The following TMEM272 variants were observed in gnomAD, a reference collection of about 807,000 sequenced individuals.
TMEM272 encodes the protein transmembrane protein 272, also known as long intergenic non-protein coding RNA 282.
TMEM272 carries 8 observed loss-of-function variants against 3.7 expected under a neutral mutation model. That is an observed-to-expected ratio of 2.17 (90% CI 1.27 to 3.91). The LOEUF (loss-of-function observed/expected upper bound fraction) is 3.91. Ranked by LOEUF, TMEM272 falls within the 30% of genes most tolerant of loss-of-function variation. The pLI, the probability that TMEM272 is intolerant of heterozygous loss-of-function variation, is 0.00. For synonymous variants in TMEM272, 63 were observed against 39.8 expected (o/e 1.58, Z -2.20); for missense variants, 166 against 91.5 (o/e 1.81, Z -3.32).
At chr13:51,858,879 C>T in the TMEM272 span, among the ~76,000 whole-genome samples, 2 of 152,134 alleles carry the variant, frequency 1.3e-5, no homozygotes, top group African/African-American at 4.8e-5. Flanking sequence ...CTCGAGGTCC[C>T]GCCCCATCCA....
At chr13:51,870,659 G>A in the TMEM272 span, among the ~76,000 whole-genome samples, 8 of 152,298 alleles carry the variant, frequency 5.3e-5, no homozygotes, top group South Asian at 1.0e-3. Context: ...GAGTGGAAAC[G>A]GAATTAGCAA....
the TMEM272 span, among the ~76,000 whole-genome samples, chr13:51,900,029 G>A: frequency 5.3e-5 from 8 of 152,228 alleles, no homozygotes; most frequent in East Asian, 1.2e-3. Flanking sequence ...ACATGCAAGA[G>A]TTAAAACTAT....
the TMEM272 span, among the ~76,000 whole-genome samples, chr13:51,919,739 G>A: frequency 6.6e-6 from 1 of 152,194 alleles, no homozygotes; most frequent in Non-Finnish European, 1.5e-5. Flanking sequence ...GTGCCATGGT[G>A]ACCTGCCTTT....
At chr13:51,908,418 C>T in the TMEM272 span, 1 of 1,485,370 alleles carries the variant, frequency 6.7e-7, no homozygotes, top group Non-Finnish European at 9.4e-7. Flanking sequence ...TGGGACATCC[C>T]TTGGTGGAAA....
At chr13:51,876,683 G>T in the TMEM272 span, among the ~76,000 whole-genome samples, 1 of 152,166 alleles carries the variant, frequency 6.6e-6, no homozygotes, top group Admixed American at 6.5e-5. Flanking sequence ...AGAGGGTCTG[G>T]AAAATCAATT....
At chr13:51,864,739 GTCTT>G in the TMEM272 span, among the ~76,000 whole-genome samples, 1 of 152,178 alleles carries the variant, frequency 6.6e-6, no homozygotes, top group Non-Finnish European at 1.5e-5. Context: ...GTCATCTGGT[GTCTT>G]TCTTATTGTT....
intron 2 of TMEM272, among the ~76,000 whole-genome samples, chr13:51,835,108 C>G (rs556738312): frequency 6.6e-6 from 1 of 152,202 alleles, no homozygotes; most frequent in Non-Finnish European, 1.5e-5. Flanking sequence ...AGCTACTCCT[C>G]TGAGGCCGCC....
At chr13:51,878,159 G>A in the TMEM272 span, among the ~76,000 whole-genome samples, 154 of 152,248 alleles carry the variant, frequency 1.0e-3, 1 homozygote, top group East Asian at 0.025. Flanking sequence ...AGCTGGGCAC[G>A]GTGGCTCACA....
the TMEM272 span, among the ~76,000 whole-genome samples, chr13:51,883,664 T>C: frequency 4.4e-3 from 673 of 152,302 alleles, 6 homozygotes; most frequent in African/African-American, 0.014. Flanking sequence ...GTGGACTCTA[T>C]CTGGGCCCGG....
At chr13:51,856,371 AC>A in the TMEM272 span, among the ~76,000 whole-genome samples, 1 of 152,246 alleles carries the variant, frequency 6.6e-6, no homozygotes, top group Non-Finnish European at 1.5e-5. Flanking sequence ...AACCATACCT[AC>A]ATTTTATCAG....
the TMEM272 span, among the ~76,000 whole-genome samples, chr13:51,867,150 C>T: frequency 6.6e-6 from 1 of 152,202 alleles, no homozygotes; most frequent in African/African-American, 2.4e-5. Flanking sequence ...CATCAACTTA[C>T]CTCACCGTAG....
chr13:51,858,892 C>T, the TMEM272 span, among the ~76,000 whole-genome samples: 4 of 152,256 alleles, frequency 2.6e-5, no homozygotes, highest in South Asian at 2.1e-4. Context: ...CCCATCCACC[C>T]GGTGGCAGGT....
At chr13:51,926,571 G>A in the TMEM272 span, among the ~76,000 whole-genome samples, 98 of 144,436 alleles carry the variant, frequency 6.8e-4, no homozygotes, top group Non-Finnish European at 9.9e-4. Flanking sequence ...GGAAGAGCCC[G>A]TGAGAGGCAA....
the TMEM272 span, chr13:51,865,424 A>G: frequency 1.2e-6 from 2 of 1,611,362 alleles, no homozygotes; most frequent in Admixed American, 1.7e-5. Flanking sequence ...GTTTTCCTTC[A>G]AGGTGAGCAG....
chr13:51,874,495 T>C, the TMEM272 span, among the ~76,000 whole-genome samples: 1 of 152,196 alleles, frequency 6.6e-6, no homozygotes, highest in Non-Finnish European at 1.5e-5. Context: ...TTTGATGACC[T>C]CTGACTTCCC....
the TMEM272 span, among the ~76,000 whole-genome samples, chr13:51,885,124 A>T: frequency 4.6e-5 from 7 of 152,210 alleles, no homozygotes; most frequent in Non-Finnish European, 2.9e-5. Flanking sequence ...TAAGATGTGA[A>T]GTTCAGTCTG....
chr13:51,853,996 A>G, the TMEM272 span, among the ~76,000 whole-genome samples: 1 of 152,226 alleles, frequency 6.6e-6, no homozygotes, highest in South Asian at 2.1e-4. Context: ...TTTTTAAAAT[A>G]ATAGCATTGA....
chr13:51,876,051 C>G, the TMEM272 span, among the ~76,000 whole-genome samples: 1 of 152,160 alleles, frequency 6.6e-6, no homozygotes, highest in Admixed American at 6.5e-5. Flanking sequence ...CTTCACTGAC[C>G]GGCTCCTTTT....
Position 51,817,116 on chromosome 13 carries a change from G to A in TMEM272, c.202-3C>T, listed in dbSNP as rs1253000978. ...GAGTCGTACAACAGGAGAGACACCT[G>A]GGGCGTGGTGGGGAGCCAGGGTGGC... On this transcript the variant is annotated splice_polypyrimidine_tract_variant and splice_region_variant and intron_variant, in intron 4 of 4. Coordinates refer to ENST00000629372, the MANE Select transcript of TMEM272 (RefSeq NM_001351003.2). 2.9e-6 allele frequency: 2 copies of A among 697,638 alleles called. No individual in the cohort carries two copies. The highest frequency in any genetic ancestry group is 5.3e-6 in the Non-Finnish European group (2 of 380,644). 43.2% of individuals were successfully genotyped at this position (697,638 alleles called of 1,614,324 possible). A position where few individuals can be genotyped will look rare whatever the true frequency, so the allele number is the denominator to read the frequency against.
Sources: gnomAD v4.1 joint callset for allele counts (sites outside exome capture counted in the v4.1 genomes callset) on GRCh38, gnomAD v4.1.1 for gene constraint, MANE v1.5 for transcripts, NCBI Gene and HGNC (gene_info 2026-07-23, HGNC 2026-07-21) for gene names.